ALOX5AP: variants seen among roughly 807,000 people sequenced by gnomAD.
The protein encoded by ALOX5AP is arachidonate 5-lipoxygenase activating protein.
ALOX5AP carries 9 observed loss-of-function variants against 18.5 expected under a neutral mutation model. The ratio of observed to expected loss-of-function variants is 0.49; its 90% CI spans 0.29 to 0.85. The LOEUF (loss-of-function observed/expected upper bound fraction) is 0.85, where lower values mean the gene tolerates loss of function less well. Among genes scored for constraint, ALOX5AP ranks in the 40% least tolerant of loss-of-function variants. The pLI is 0.08. For missense variants in ALOX5AP, 172 were observed against 202.5 expected (o/e 0.85, Z 0.91); for synonymous variants, 81 against 78.6 (o/e 1.03, Z -0.16).
intron 1 of ALOX5AP, among the ~76,000 whole-genome samples, chr13:30,721,151 C>G (rs540836721): frequency 1.3e-5 from 2 of 152,336 alleles, no homozygotes; most frequent in East Asian, 3.9e-4. Context: ...ACACTTCTCT[C>G]TTCTTTATCA....
chr13:30,731,895 G>A (rs1046562665), upstream of ALOX5AP, among the ~76,000 whole-genome samples: 17 of 152,342 alleles, frequency 1.1e-4, no homozygotes, highest in East Asian at 3.1e-3. Context: ...CAGGCAGGGC[G>A]GGCTGCGCTC....
At chr13:30,716,808 C>G (rs558293562) in intron 1 of ALOX5AP, among the ~76,000 whole-genome samples, 4 of 152,342 alleles carry the variant, frequency 2.6e-5, no homozygotes, top group African/African-American at 9.6e-5. Flanking sequence ...TTGTTATACT[C>G]ATGGTTGTGA....
chr13:30,713,592 C>T lies in ALOX5AP; in HGVS notation c.-134C>T, dbSNP rs929890583. 4.5e-6 allele frequency: 3 copies of T among 664,296 alleles called. No homozygotes were observed. The East Asian group carries it at 8.2e-5, about 18-fold the overall frequency. The allele number at this position is 664,296 out of a possible 1,614,324, so 41.2% of individuals were successfully genotyped here. A position where few individuals can be genotyped will look rare whatever the true frequency, so the allele number is the denominator to read the frequency against. ...TGCATGGCCTGATTCCTGCACCCCA[C>T]CTTTGCCCCCTCACACCTCCTCTCA... On this transcript the variant is annotated 5_prime_UTR_variant, in exon 1 of 6. Transcript: ENST00000617770.
At chr13:30,714,109 A>G (rs1341995015) in intron 1 of ALOX5AP, among the ~76,000 whole-genome samples, 1 of 152,048 alleles carries the variant, frequency 6.6e-6, no homozygotes, top group Non-Finnish European at 1.5e-5. Flanking sequence ...CTTGCATTAA[A>G]TAACAGGAGT....
Position 30,725,812 on chromosome 13 carries a change from G to A in ALOX5AP, c.117-9739G>A, listed in dbSNP as rs1429593083. On this transcript the variant is annotated intron_variant, in intron 1 of 5. Coordinates refer to the ALOX5AP transcript ENST00000617770. ...TACAGCAAAGGAAGTACAGATATGA[G>A]CTTCTGATCATGGGCTTCACTGGCC... Among the ~76,000 whole-genome samples the A allele has an allele frequency of 2.0e-5, 3 of 152,198 alleles. No homozygotes were observed. In the East Asian group the frequency reaches 5.8e-4, roughly 29 times the overall value.
At chr13:30,749,637 C>T (rs1951836152) in intron 2 of ALOX5AP, among the ~76,000 whole-genome samples, 1 of 152,170 alleles carries the variant, frequency 6.6e-6, no homozygotes, top group Non-Finnish European at 1.5e-5. Flanking sequence ...GGGCCTCCTG[C>T]CCTTTGGAGC....
chr13:30,722,586 T>A (rs563157303), intron 1 of ALOX5AP, among the ~76,000 whole-genome samples: 47 of 152,340 alleles, frequency 3.1e-4, no homozygotes, highest in Non-Finnish European at 5.3e-4. Flanking sequence ...ATAACAGTCC[T>A]CCTGCCCAGA....
intron 1 of ALOX5AP, among the ~76,000 whole-genome samples, chr13:30,726,914 T>C (rs909893014): frequency 6.6e-6 from 1 of 152,144 alleles, no homozygotes; most frequent in Non-Finnish European, 1.5e-5. Context: ...TATATCTCAG[T>C]ATTAAGTCAC....
Position 30,735,547 on chromosome 13 carries a change from A to G in ALOX5AP, c.-59A>G, listed in dbSNP as rs368028891. 6.2e-7 allele frequency: 1 copy of G among 1,609,662 alleles called. No homozygotes were observed. Among genetic ancestry groups the G allele is most frequent in the Non-Finnish European group, 8.5e-7 (1 of 1,177,926 alleles). On this transcript the variant is annotated 5_prime_UTR_variant, in exon 1 of 5. Transcript: ENST00000380490. ...GCAAGCTCTCACTTCCCCTTCCTGT[A>G]CAGGGCAGGTTGTGCAGCTGGAGGC...
At chr13:30,741,215 C>T (rs1468850639) in intron 1 of ALOX5AP, among the ~76,000 whole-genome samples, 19 of 141,776 alleles carry the variant, frequency 1.3e-4, no homozygotes, top group Non-Finnish European at 9.0e-5. Flanking sequence ...CTCCGCCTCC[C>T]GGGTTCATGC....
At position 30,724,700 on chromosome 13, in the gene ALOX5AP, C is replaced by T. The variant is rs75589394; in HGVS notation, c.117-10851C>T. ...CAATAATAAACACAGAATGCATCACCATGGGCCACCGTGTTGTCTTTTGAC... is the reference window on the plus strand; with the variant it reads ...CAATAATAAACACAGAATGCATCACTATGGGCCACCGTGTTGTCTTTTGAC... On this transcript the variant is annotated intron_variant, in intron 1 of 5. Transcript: ENST00000617770. 9.9e-3 allele frequency among the ~76,000 whole-genome samples: 1,511 copies of T among 152,300 alleles called. 24 individuals are homozygous for T. The highest frequency in any genetic ancestry group is 0.034 in the African/African-American group (1,431 of 41,554).
chr13:30,751,710 CTCTG>C (rs1209213081), intron 2 of ALOX5AP, among the ~76,000 whole-genome samples: 2 of 152,216 alleles, frequency 1.3e-5, no homozygotes, highest in Admixed American at 1.3e-4. Flanking sequence ...TGGCCACATC[CTCTG>C]TCTGCATTGC....
rs1326233502 is a variant in ALOX5AP, at chr13:30,749,526, A to G, written c.171-2526A>G. On this transcript the variant is annotated intron_variant, in intron 2 of 4. Coordinates refer to ENST00000380490, the MANE Select transcript of ALOX5AP (RefSeq NM_001629.4). ...GCTGCAATTTTGTGCCTCTAGTAAC[A>G]TATAAGAATAGATGTGATGCCAGTG... is the stretch of plus-strand genomic sequence containing the variant. Among the ~76,000 whole-genome samples, 3 of 152,252 alleles carry G rather than the reference A, an allele frequency of 2.0e-5. No individual in the cohort carries two copies. The East Asian group carries it at 5.8e-4, about 29-fold the overall frequency.
In ALOX5AP at chr13:30,755,960, T is replaced by G. The variant is rs746577187; in HGVS notation, c.258T>G (p.Ala86=). 2.5e-6 allele frequency: 4 copies of G among 1,614,160 alleles called. No homozygotes were observed. The highest frequency in any genetic ancestry group is 3.3e-4 in the Middle Eastern group (2 of 6,062). ...TCCACTTAGTTCCTGCTGCGTTTGC[T>G]GGACTGATGTACTTGTTTGTGAGGC... ...LLCSQVPAAF[A]GLMYLFVRQK... The change falls in exon 4 of 5, where the codon GCT becomes GCG. Residue 86 remains alanine (A), a synonymous_variant. Transcript: ENST00000380490.
At chr13:30,739,279 C>T (rs1205489483) in intron 1 of ALOX5AP, among the ~76,000 whole-genome samples, 2 of 152,250 alleles carry the variant, frequency 1.3e-5, no homozygotes, top group Admixed American at 6.5e-5. Context: ...CTCACCCACT[C>T]ATGCAACTGC....
chr13:30,713,659 A>G, exon 1 of ALOX5AP: 1 of 1,174,862 alleles, frequency 8.5e-7, no homozygotes, highest in Non-Finnish European at 1.2e-6. Context: ...CATCTGGACA[A>G]TTCTGCAAGA....
rs1951890039 is a variant in ALOX5AP at position 30,755,950 on chromosome 13, C to T, written c.248C>T (p.Ala83Val). 1 of 1,614,084 alleles carries T rather than the reference C, an allele frequency of 6.2e-7. No homozygotes were observed. The highest frequency in any genetic ancestry group is 2.2e-5 in the East Asian group (1 of 44,874). The change falls in exon 4 of 5, where the codon GCT (alanine) becomes GTT (valine). Residue 83 changes from alanine to valine, a missense_variant. Coordinates refer to ENST00000380490, the MANE Select transcript of ALOX5AP (RefSeq NM_001629.4). ...TTTTCATTTCTCCACTTAGTTCCTG[C>T]TGCGTTTGCTGGACTGATGTACTTG... is the stretch of plus-strand genomic sequence containing the variant. ...SAGLLCSQVP[A>V]AFAGLMYLFV...
At chr13:30,713,904 T>A (rs1008926716) in intron 1 of ALOX5AP, 1 of 1,510,852 alleles carries the variant, frequency 6.6e-7, no homozygotes, top group Non-Finnish European at 8.9e-7. Context: ...CTCCTACAAA[T>A]TTGACCTGGG....
intron 1 of ALOX5AP, among the ~76,000 whole-genome samples, chr13:30,714,137 C>T (rs1951530599): frequency 6.6e-6 from 1 of 151,034 alleles, no homozygotes; most frequent in South Asian, 2.1e-4. Context: ...GGAGGTAACT[C>T]CTAGCCCTGG....
Sources: gnomAD v4.1 joint callset for allele counts (sites outside exome capture counted in the v4.1 genomes callset) on GRCh38, gnomAD v4.1.1 for gene constraint, MANE v1.5 for transcripts, NCBI Gene and HGNC (gene_info 2026-07-23, HGNC 2026-07-21) for gene names.